FBXL17: variants seen among roughly 807,000 people sequenced by gnomAD.
FBXL17 encodes F-box and leucine rich repeat protein 17.
A neutral mutation model predicts 66.2 loss-of-function variants in FBXL17; 22 were observed. The observed-to-expected ratio is 0.33, with a 90% CI of 0.24 to 0.47. The LOEUF is 0.47. Among genes scored for constraint, FBXL17 ranks in the 20% least tolerant of loss-of-function variants. The pLI is 1.00. For synonymous variants in FBXL17, 474 were observed against 400.5 expected, an observed-to-expected ratio of 1.18 and a Z score of -2.19; for missense variants, 878 against 948.2, an observed-to-expected ratio of 0.93 and a Z score of 0.97.
chr5:108,186,032 G>T, intron 6 of FBXL17, 85 bp downstream of exon 6: 1 of 1,090,220 alleles, frequency 9.2e-7, no homozygotes, highest in Non-Finnish European at 1.3e-6. Flanking sequence ...TTCAATTTTA[G>T]TTATAGACAT....
chr5:108,085,932 T>C (rs920209078), intron 6 of FBXL17, among the ~76,000 whole-genome samples: 1 of 152,078 alleles, frequency 6.6e-6, no homozygotes, highest in Admixed American at 6.5e-5. Flanking sequence ...TCAGTAATAA[T>C]AATAACAATA....
At chr5:108,271,750 T>G (rs932654914) in intron 4 of FBXL17, among the ~76,000 whole-genome samples, 1 of 152,178 alleles carries the variant, frequency 6.6e-6, no homozygotes, top group Non-Finnish European at 1.5e-5. Context: ...TTTCATCTAG[T>G]TGGAAAAATC....
intron 6 of FBXL17, among the ~76,000 whole-genome samples, chr5:108,135,846 A>T (rs1469503727): frequency 1.3e-5 from 2 of 152,106 alleles, no homozygotes; most frequent in African/African-American, 4.8e-5. Context: ...GAAATTCTTT[A>T]GGTGAATTAT....
chr5:108,259,918 T>C (rs931736113), intron 4 of FBXL17, among the ~76,000 whole-genome samples: 1 of 152,060 alleles, frequency 6.6e-6, no homozygotes, highest in Non-Finnish European at 1.5e-5. Flanking sequence ...TAATATATTT[T>C]ATTGTTCCTA....
At chr5:107,907,220 G>A (rs568016863) in intron 7 of FBXL17, among the ~76,000 whole-genome samples, 22 of 152,258 alleles carry the variant, frequency 1.4e-4, no homozygotes, top group African/African-American at 3.4e-4. Flanking sequence ...ACAGTGTAAC[G>A]AATAAGGAGT....
At chr5:108,009,906 T>C (rs1754111278) in intron 7 of FBXL17, among the ~76,000 whole-genome samples, 1 of 152,190 alleles carries the variant, frequency 6.6e-6, no homozygotes, top group African/African-American at 2.4e-5. Context: ...TGGGATCTGA[T>C]GAGCTTGGGA....
intron 6 of FBXL17, among the ~76,000 whole-genome samples, chr5:108,042,785 CG>C (rs1747102371): frequency 6.6e-6 from 1 of 152,068 alleles, no homozygotes; most frequent in Non-Finnish European, 1.5e-5. Flanking sequence ...TTGGGTCATA[CG>C]GTAGTTGCAT....
At chr5:107,889,132 A>C (rs1377815876) in intron 7 of FBXL17, among the ~76,000 whole-genome samples, 1 of 152,180 alleles carries the variant, frequency 6.6e-6, no homozygotes, top group Non-Finnish European at 1.5e-5. Context: ...CTTTAAAAAA[A>C]TTTCTAGCAG....
At chr5:108,278,925 G>T (rs1433217753) in intron 4 of FBXL17, among the ~76,000 whole-genome samples, 1 of 152,092 alleles carries the variant, frequency 6.6e-6, no homozygotes, top group Non-Finnish European at 1.5e-5. Flanking sequence ...AGAGATCCAG[G>T]GTCCTAAAGG....
intron 5 of FBXL17, among the ~76,000 whole-genome samples, chr5:108,188,590 T>C (rs1753334918): frequency 6.6e-6 from 1 of 152,236 alleles, no homozygotes; most frequent in Non-Finnish European, 1.5e-5. Flanking sequence ...TAACTGGTAC[T>C]TGGCAACCAA....
intron 7 of FBXL17, among the ~76,000 whole-genome samples, chr5:107,882,769 A>C (rs1329888773): frequency 6.6e-6 from 1 of 152,244 alleles, no homozygotes; most frequent in African/African-American, 2.4e-5. Flanking sequence ...TAGGGGATAC[A>C]TAAAATAAAT....
chr5:107,891,212 G>A (rs1479716586), intron 7 of FBXL17, among the ~76,000 whole-genome samples: 1 of 152,180 alleles, frequency 6.6e-6, no homozygotes, highest in East Asian at 1.9e-4. Flanking sequence ...GCCAAGCCAT[G>A]AGGTAGGAAG....
chr5:108,299,871 T>C, intron 4 of FBXL17: 4 of 974,338 alleles, frequency 4.1e-6, no homozygotes, highest in Non-Finnish European at 4.9e-6. Context: ...GGAAAAATCA[T>C]TAGATATTTC....
intron 4 of FBXL17, among the ~76,000 whole-genome samples, chr5:108,287,270 G>A (rs1405703762): frequency 6.6e-6 from 1 of 151,786 alleles, no homozygotes; most frequent in Non-Finnish European, 1.5e-5. Context: ...TTGACAAATA[G>A]GACCTCATTA....
At chr5:108,375,736 A>G (rs1390080259) in intron 1 of FBXL17, among the ~76,000 whole-genome samples, 1 of 152,222 alleles carries the variant, frequency 6.6e-6, no homozygotes, top group Non-Finnish European at 1.5e-5. Context: ...AATTCTTCCA[A>G]AAATGAGAGG....
chr5:107,887,747 G>T (rs1385598195), intron 7 of FBXL17, among the ~76,000 whole-genome samples: 1 of 152,158 alleles, frequency 6.6e-6, no homozygotes, highest in Non-Finnish European at 1.5e-5. Flanking sequence ...AGGCTGTTCA[G>T]GAGAATCACA....
intron 6 of FBXL17, among the ~76,000 whole-genome samples, chr5:108,068,772 T>C (rs965696792): frequency 2.0e-5 from 3 of 152,210 alleles, no homozygotes; most frequent in Non-Finnish European, 4.4e-5. Context: ...TCCTAATTTC[T>C]AACAGACTTT....
At chr5:108,205,597 C>A (rs1028080135) in intron 5 of FBXL17, among the ~76,000 whole-genome samples, 6 of 152,100 alleles carry the variant, frequency 3.9e-5, no homozygotes, top group Non-Finnish European at 7.4e-5. Context: ...CTTAGAGAAA[C>A]TGGGTCATTT....
intron 6 of FBXL17, among the ~76,000 whole-genome samples, chr5:108,075,891 C>A (rs1230210279): frequency 6.6e-6 from 1 of 152,188 alleles, no homozygotes; most frequent in East Asian, 1.9e-4. Context: ...TATGTGTATA[C>A]ATCTATGTTT....
Sources: gnomAD v4.1 joint callset for allele counts (sites outside exome capture counted in the v4.1 genomes callset) on GRCh38, gnomAD v4.1.1 for gene constraint, MANE v1.5 for transcripts, NCBI Gene and HGNC (gene_info 2026-07-23, HGNC 2026-07-21) for gene names.